BMPR1B: variants seen among roughly 807,000 people sequenced by gnomAD.
BMPR1B encodes bone morphogenetic protein receptor type-1B.
BMPR1B carries 12 observed loss-of-function variants against 59.1 expected under a neutral mutation model. The ratio of observed to expected loss-of-function variants is 0.20; its 90% confidence interval spans 0.13 to 0.33. The LOEUF (loss-of-function observed/expected upper bound fraction) is 0.33. BMPR1B is among the 10% of genes least tolerant of loss of function. The probability of loss-of-function intolerance (pLI) is 1.00; values close to 1 mark genes in which losing one functional copy is unlikely to be tolerated. For missense variants in BMPR1B, 550 were observed against 610.9 expected, an observed-to-expected ratio of 0.90 and a Z score of 1.05; for synonymous variants, 237 against 207.3, an observed-to-expected ratio of 1.14 and a Z score of -1.23.
chr4:94,785,964 A>G (rs1460516443), intron 1 of BMPR1B, among the ~76,000 whole-genome samples: 1 of 152,204 alleles, frequency 6.6e-6, no homozygotes, highest in Non-Finnish European at 1.5e-5. Flanking sequence ...ATGTATGATT[A>G]TGCTTATTCT....
chr4:95,108,462 T>C (rs954081546), intron 4 of BMPR1B, among the ~76,000 whole-genome samples: 1 of 152,036 alleles, frequency 6.6e-6, no homozygotes, highest in African/African-American at 2.4e-5. Context: ...GAGAGAATAA[T>C]CCAAAAGGAG....
chr4:94,957,297 A>G (rs1214842063), intron 2 of BMPR1B, among the ~76,000 whole-genome samples: 1 of 142,698 alleles, frequency 7.0e-6, no homozygotes, highest in African/African-American at 2.6e-5. Context: ...CACTTTATGG[A>G]CACACTGTGT....
At chr4:95,084,500 T>C (rs1729419324) in intron 3 of BMPR1B, among the ~76,000 whole-genome samples, 1 of 152,194 alleles carries the variant, frequency 6.6e-6, no homozygotes, top group South Asian at 2.1e-4. Flanking sequence ...AATTTTGTTT[T>C]AGGTAAAGGT....
At chr4:95,116,749 G>C (rs889302235) in intron 6 of BMPR1B, among the ~76,000 whole-genome samples, 3 of 151,544 alleles carry the variant, frequency 2.0e-5, no homozygotes, top group Admixed American at 6.6e-5. Flanking sequence ...CCAGTAGCTG[G>C]GAAACAGGTG....
intron 2 of BMPR1B, among the ~76,000 whole-genome samples, chr4:94,980,150 G>T (rs1220368772): frequency 6.6e-6 from 1 of 152,166 alleles, no homozygotes; most frequent in Non-Finnish European, 1.5e-5. Context: ...AATTATTACT[G>T]TACCTAAGAA....
At chr4:95,153,156 A>C (rs1228717525) in intron 12 of BMPR1B, among the ~76,000 whole-genome samples, 1 of 152,188 alleles carries the variant, frequency 6.6e-6, no homozygotes, top group Non-Finnish European at 1.5e-5. Context: ...TGATTAGAGA[A>C]AAAAAGTAGG....
chr4:95,029,820 G>C (rs1241451019), intron 3 of BMPR1B, among the ~76,000 whole-genome samples: 1 of 152,206 alleles, frequency 6.6e-6, no homozygotes, highest in Non-Finnish European at 1.5e-5. Flanking sequence ...ACTGGTGTGA[G>C]ATGGTATCTC....
At chr4:94,781,347 C>G (rs148005650) in intron 1 of BMPR1B, among the ~76,000 whole-genome samples, 34 of 152,240 alleles carry the variant, frequency 2.2e-4, no homozygotes, top group Admixed American at 4.6e-4. Context: ...TCCGATTTAT[C>G]TATTTTTTCT....
At chr4:94,932,159 T>C (rs1729117275) in intron 2 of BMPR1B, among the ~76,000 whole-genome samples, 1 of 152,076 alleles carries the variant, frequency 6.6e-6, no homozygotes, top group Admixed American at 6.6e-5. Context: ...TCCTTACTTT[T>C]CTCCCCTGCC....
chr4:94,800,310 G>T (rs1048463232), intron 1 of BMPR1B, among the ~76,000 whole-genome samples: 5 of 152,216 alleles, frequency 3.3e-5, no homozygotes, highest in African/African-American at 1.2e-4. Flanking sequence ...AGTTGAATGT[G>T]TAGGGGATGA....
At chr4:95,148,675 T>A in intron 10 of BMPR1B, 73 bp from the exon 11 acceptor site, 2 of 1,484,868 alleles carry the variant, frequency 1.3e-6, no homozygotes, top group South Asian at 2.3e-5. Flanking sequence ...AAAGCCATTG[T>A]TTCAGAATCA....
intron 3 of BMPR1B, among the ~76,000 whole-genome samples, chr4:95,026,528 G>A (rs943832163): frequency 6.6e-5 from 10 of 151,736 alleles, no homozygotes; most frequent in Non-Finnish European, 1.5e-4. Flanking sequence ...ATTTTTAGAG[G>A]CCATTAGAAG....
chr4:94,884,719 A>C (rs551449619), intron 2 of BMPR1B, among the ~76,000 whole-genome samples: 58 of 152,328 alleles, frequency 3.8e-4, no homozygotes, highest in African/African-American at 1.3e-3. Context: ...CTTACAGATT[A>C]TGATTGAGTA....
chr4:94,822,399 C>T (rs1473225195), intron 1 of BMPR1B, among the ~76,000 whole-genome samples: 1 of 152,080 alleles, frequency 6.6e-6, no homozygotes, highest in Non-Finnish European at 1.5e-5. Context: ...GTTTACAGTC[C>T]AGAGCTTCTC....
chr4:94,938,629 CAA>C (rs1729403225), intron 2 of BMPR1B, among the ~76,000 whole-genome samples: 1 of 152,154 alleles, frequency 6.6e-6, no homozygotes, highest in African/African-American at 2.4e-5. Flanking sequence ...TTAGAGGCCT[CAA>C]GATGCTTTGG....
chr4:95,082,454 G>C (rs1463949683), intron 3 of BMPR1B, among the ~76,000 whole-genome samples: 1 of 151,974 alleles, frequency 6.6e-6, no homozygotes, highest in Non-Finnish European at 1.5e-5. Context: ...CTCATCATTT[G>C]TAAAATGAGA....
chr4:94,849,210 C>T (rs1207860822), intron 1 of BMPR1B, among the ~76,000 whole-genome samples: 3 of 152,120 alleles, frequency 2.0e-5, no homozygotes, highest in Non-Finnish European at 2.9e-5. Flanking sequence ...TGAGAAAAAG[C>T]AAGGTGTAGG....
At chr4:95,099,522 G>C (rs1036922997) in intron 3 of BMPR1B, among the ~76,000 whole-genome samples, 2 of 152,096 alleles carry the variant, frequency 1.3e-5, no homozygotes, top group Admixed American at 6.6e-5. Context: ...TTTTCTAAAA[G>C]ATGCAGGATT....
intron 3 of BMPR1B, among the ~76,000 whole-genome samples, chr4:95,005,786 CTT>C (rs1345076460): frequency 3.3e-5 from 5 of 151,940 alleles, no homozygotes; most frequent in Non-Finnish European, 5.9e-5. Flanking sequence ...TTAGAAAACT[CTT>C]TTTGTGTGTG....
Sources: allele counts gnomAD v4.1 joint callset (sites outside exome capture counted in the v4.1 genomes callset), GRCh38; gene constraint gnomAD v4.1.1; transcripts MANE v1.5; gene names NCBI Gene and HGNC (gene_info 2026-07-23, HGNC 2026-07-21).